The following LRRK2 variants were observed in gnomAD, a reference collection of about 807,000 sequenced individuals.
LRRK2 encodes leucine rich repeat kinase 2.
Under a neutral mutation model 302.6 loss-of-function variants are expected in LRRK2, and 203 were observed. The ratio of observed to expected loss-of-function variants is 0.67; its 90% CI spans 0.60 to 0.75. The LOEUF (loss-of-function observed/expected upper bound fraction) is 0.75. Among genes scored for constraint, LRRK2 ranks in the 30% least tolerant of loss-of-function variants. LRRK2 has a pLI of 0.00. For synonymous variants in LRRK2, 1,066 were observed against 1,031.9 expected, an observed-to-expected ratio of 1.03 and a Z score of -0.63; for missense variants, 2,830 against 2,951.0, an observed-to-expected ratio of 0.96 and a Z score of 0.95.
rs1944910507 is a variant in LRRK2, at chr12:40,308,399, G to T, written c.3960-68G>T. On this transcript the variant is annotated intron_variant, in intron 28 of 50. Transcript: ENST00000298910. ...TTTTAGAATAGTGTGACATGTAAAA[G>T]AACTCACCTAAATCTCAAGTATACT... is the stretch of plus-strand genomic sequence containing the variant. 4.1e-6 allele frequency: 5 copies of T among 1,206,694 alleles called. No individual in the cohort carries two copies. In the Admixed American group the frequency reaches 5.8e-5, roughly 14 times the overall value. The allele number at this position is 1,206,694 out of a possible 1,614,324, so 74.7% of individuals were successfully genotyped here.
At chr12:40,251,190 A>T in intron 8 of LRRK2, 42 bp from the exon 9 acceptor site, 1 of 1,299,006 alleles carries the variant, frequency 7.7e-7, no homozygotes, top group Non-Finnish European at 1.1e-6. Flanking sequence ...TTAAGTAGAT[A>T]ATATATATAA....
In LRRK2 at chr12:40,367,713, T is replaced by C. The variant is rs201312806; in HGVS notation, c.7532T>C (p.Ile2511Thr). 6.9e-6 allele frequency: 11 copies of C among 1,604,824 alleles called. No individual in the cohort carries two copies. The highest frequency in any genetic ancestry group is 1.3e-5 in the African/African-American group (1 of 74,650). The change falls in exon 51 of 51, where the codon ATT (isoleucine) becomes ACT (threonine). Residue 2511 changes from isoleucine (I) to threonine (T), a missense_variant. Ile to Thr is a moderately conservative substitution (Grantham distance 89). This residue lies in a region of LRRK2 where 456 missense variants were observed against 456.3 expected (regional missense o/e 1.00). Transcript: ENST00000298910. ...GAAGTGCAAAATTTAGAAAAACACA[T>C]TGAAGTGAGAAAAGAATTAGCTGAA... Reference protein sequence around the residue: ...PHEVQNLEKHIEVRKELAEKM... With the variant: ...PHEVQNLEKHTEVRKELAEKM...
At chr12:40,283,732 C>A in intron 18 of LRRK2, 143 bp from the exon 19 acceptor site, 1 of 658,534 alleles carries the variant, frequency 1.5e-6, no homozygotes, top group Non-Finnish European at 2.5e-6. Context: ...CCAATCTATT[C>A]AAGGATCAGT....
intron 19 of LRRK2, among the ~76,000 whole-genome samples, chr12:40,285,021 C>T (rs944511863): frequency 2.0e-5 from 3 of 152,204 alleles, no homozygotes; most frequent in African/African-American, 2.4e-5. Context: ...GGTTTCCAAC[C>T]GCTCAGTAGG....
intron 12 of LRRK2, 117 bp from the exon 13 acceptor site, chr12:40,259,363 T>G: frequency 7.7e-7 from 1 of 1,291,010 alleles, no homozygotes; most frequent in Non-Finnish European, 1.1e-6. Flanking sequence ...TGCATTTTCA[T>G]ATAGTCTTTC....
intron 8 of LRRK2, 37 bp from the exon 9 acceptor site, chr12:40,251,195 A>G (rs1238136267): frequency 7.5e-7 from 1 of 1,330,408 alleles, no homozygotes; most frequent in Admixed American, 2.0e-5. Flanking sequence ...TAGATAATAT[A>G]TATAATGTTT....
rs555658615 is a variant in LRRK2, at chr12:40,289,130, A to C, written c.2689+1591A>C. ...TTGACATTTATTTCTTTCTGTATGGATATCCAGTTGTTCCAACATTACTTG... is the reference window on the plus strand; with the variant it reads ...TTGACATTTATTTCTTTCTGTATGGCTATCCAGTTGTTCCAACATTACTTG... On this transcript the variant is annotated intron_variant, in intron 20 of 50. Transcript: ENST00000298910. 9.1e-4 allele frequency among the ~76,000 whole-genome samples: 139 copies of C among 151,914 alleles called. 1 individual carries two copies. Among genetic ancestry groups the C allele is most frequent in the African/African-American group, 2.9e-3 (120 of 41,512 alleles).
chr12:40,331,791 C>G (rs73275761), intron 39 of LRRK2, among the ~76,000 whole-genome samples: 22,037 of 152,010 alleles, frequency 0.14, 1,728 homozygotes, highest in African/African-American at 0.19. Context: ...ATTATGTTCA[C>G]TTTTCATCCA....
rs527878075 is a variant in LRRK2, at chr12:40,321,222, G to T, written c.5170+34G>T. On this transcript the variant is annotated intron_variant, in intron 35 of 50. Transcript: ENST00000298910. ...CTAATGAAGACTTATTAGATTTTTA[G>T]AGACTATTAATTTAGACTTATTAAT... 35 of 1,579,376 alleles carry T rather than the reference G, an allele frequency of 2.2e-5. No individual in the cohort carries two copies. In the South Asian group the frequency reaches 3.6e-4, roughly 16 times the overall value.
At chr12:40,264,738 T>C (rs1160926381) in intron 14 of LRRK2, among the ~76,000 whole-genome samples, 2 of 152,264 alleles carry the variant, frequency 1.3e-5, no homozygotes, top group Non-Finnish European at 2.9e-5. Flanking sequence ...ATTGTTTCCA[T>C]TTTTTAGCAT....
At chr12:40,333,066 C>A (rs777056165) in intron 39 of LRRK2, among the ~76,000 whole-genome samples, 1 of 151,812 alleles carries the variant, frequency 6.6e-6, no homozygotes, top group Non-Finnish European at 1.5e-5. Flanking sequence ...TGTACTATTA[C>A]GCTGTTTTTT....
In LRRK2 at chr12:40,322,086, A is replaced by C. The variant is rs777932024; in HGVS notation, c.5222A>C (p.Asn1741Thr). The C allele has an allele frequency of 6.2e-7, 1 of 1,613,516 alleles. No homozygotes were observed. The highest frequency in any genetic ancestry group is 8.5e-7 in the Non-Finnish European group (1 of 1,179,558). ...TATTGGCGACAAGGCATTTACTTAA[A>C]TTGGTCTCCTGAAGCTTATTGTCTG... ...RMYWRQGIYL[N>T]WSPEAYCLVG... Residue 1741 changes from asparagine to threonine, a missense_variant, in exon 36 of 51, where the codon AAT becomes ACT. Asn to Thr is a moderately conservative substitution (Grantham distance 65, BLOSUM62 0). Coordinates refer to ENST00000298910, the MANE Select transcript of LRRK2 (RefSeq NM_198578.4).
intron 12 of LRRK2, 148 bp downstream of exon 12, chr12:40,257,525 A>G: frequency 1.2e-6 from 1 of 860,838 alleles, no homozygotes; most frequent in South Asian, 1.6e-5. Context: ...ATCTCGTGTC[A>G]CTAGTACCAT....
chr12:40,280,204 A>G (rs1943628791), intron 18 of LRRK2, among the ~76,000 whole-genome samples: 1 of 152,200 alleles, frequency 6.6e-6, no homozygotes, highest in South Asian at 2.1e-4. Context: ...TAATCCCAAC[A>G]CTTTGGGATG....
intron 25 of LRRK2, chr12:40,300,704 G>T: frequency 4.5e-6 from 2 of 441,998 alleles, no homozygotes; most frequent in African/African-American, 2.0e-5. Context: ...AAGCAAACTC[G>T]GTCTCTGTCC....
At chr12:40,330,394 G>A (rs1272839975) in intron 39 of LRRK2, among the ~76,000 whole-genome samples, 1 of 152,054 alleles carries the variant, frequency 6.6e-6, no homozygotes, top group African/African-American at 2.4e-5. Flanking sequence ...TCTGCAGTCA[G>A]TCAGATGTTT....
At chr12:40,230,656 T>C (rs190203046) in intron 2 of LRRK2, among the ~76,000 whole-genome samples, 18 of 150,550 alleles carry the variant, frequency 1.2e-4, no homozygotes, top group South Asian at 2.1e-4. Flanking sequence ...AGGGTACATA[T>C]ATGCACTTTC....
chr12:40,251,681 T>C, intron 10 of LRRK2, 137 bp downstream of exon 10: 1 of 723,602 alleles, frequency 1.4e-6, no homozygotes, highest in East Asian at 2.7e-5. Context: ...TGCTGCAAAA[T>C]AGTAGTAGGT....
intron 14 of LRRK2, among the ~76,000 whole-genome samples, chr12:40,267,303 C>G (rs1943060188): frequency 6.6e-6 from 1 of 152,192 alleles, no homozygotes; most frequent in Non-Finnish European, 1.5e-5. Flanking sequence ...CCTATCCTGT[C>G]TCATTGTGAG....
Sources: allele counts gnomAD v4.1 joint callset (sites outside exome capture counted in the v4.1 genomes callset), GRCh38; gene constraint gnomAD v4.1.1; regional missense constraint gnomAD v4.1.1; transcripts MANE v1.5; gene names NCBI Gene and HGNC (gene_info 2026-07-23, HGNC 2026-07-21).